Variants in CEP104 observed in about 807,000 individuals in gnomAD.
CEP104 encodes centrosomal protein 104, also known as centrosomal protein of 104 kDa.
Under a neutral mutation model 113.3 loss-of-function variants are expected in CEP104, and 84 were observed. The ratio of observed to expected loss-of-function variants is 0.74; its 90% CI spans 0.62 to 0.89. CEP104 has a LOEUF of 0.89. Among genes scored for constraint, CEP104 ranks in the 40% least tolerant of loss-of-function variants. CEP104 has a pLI of 0.00. For synonymous variants in CEP104, 378 were observed against 421.7 expected (o/e 0.90, Z 1.27); for missense variants, 1,053 against 1,156.6 (o/e 0.91, Z 1.30).
rs145880277 is a variant in CEP104, at chr1:3,849,348, G to T, written c.114-567C>A. 8.7e-4 allele frequency among the ~76,000 whole-genome samples: 127 copies of T among 145,886 alleles called. 1 individual carries two copies. The highest frequency in any genetic ancestry group is 3.2e-3 in the African/African-American group (126 of 39,220). On this transcript the variant is annotated intron_variant, in intron 2 of 21. Coordinates refer to ENST00000378230, the MANE Select transcript of CEP104 (RefSeq NM_014704.4). Reference sequence around the variant, plus strand: ...TGTGATTATGGCTCACTGCATCTTTGATCTCCTGGGCTCAAGTGACCCTCC... The same window carrying T: ...TGTGATTATGGCTCACTGCATCTTTTATCTCCTGGGCTCAAGTGACCCTCC...
At chr1:3,852,032 G>T (rs771995095) in intron 2 of CEP104, among the ~76,000 whole-genome samples, 1 of 152,172 alleles carries the variant, frequency 6.6e-6, no homozygotes, top group Non-Finnish European at 1.5e-5. Context: ...AGACAGTTAC[G>T]GGGCCTCATT....
intron 1 of CEP104, chr1:3,855,953 C>G (rs1262667223): frequency 3.0e-6 from 3 of 985,250 alleles, no homozygotes; most frequent in Non-Finnish European, 2.4e-6. Context: ...TCTCCCCAGG[C>G]AGCGATGACT....
chr1:3,833,406 G>T (rs536554009), intron 12 of CEP104, among the ~76,000 whole-genome samples: 1 of 152,154 alleles, frequency 6.6e-6, no homozygotes, highest in Non-Finnish European at 1.5e-5. Context: ...GAATTCATTA[G>T]CTAGTTTAAA....
chr1:3,812,286 C>T lies in CEP104; in HGVS notation c.*3116G>A, dbSNP rs1430917704. The T allele has an allele frequency of 2.0e-5, 3 of 152,094 alleles. No individual in the cohort carries two copies. The highest frequency in any genetic ancestry group is 4.8e-5 in the African/African-American group (2 of 41,424). 9.4% of individuals were successfully genotyped at this position (152,094 alleles called of 1,614,324 possible). A position where few individuals can be genotyped will look rare whatever the true frequency, so the allele number is the denominator to read the frequency against. On this transcript the variant is annotated 3_prime_UTR_variant, in exon 22 of 22. Coordinates refer to ENST00000378230, the MANE Select transcript of CEP104 (RefSeq NM_014704.4). The stretch of plus-strand genomic sequence containing the variant: ...ATTTGTATCCTAATGCCAATTTATA[C>T]ATACAATTCTTTTAAGTTAGATTTA...
At position 3,819,869 on chromosome 1, in the gene CEP104, A is replaced by C. The variant is rs1237681989; in HGVS notation, c.2571+3305T>G. Among the ~76,000 whole-genome samples, 1 of 152,212 alleles carries C rather than the reference A, an allele frequency of 6.6e-6. No homozygotes were observed. Among genetic ancestry groups the C allele is most frequent in the African/African-American group, 2.4e-5 (1 of 41,458 alleles). On this transcript the variant is annotated intron_variant, in intron 20 of 21. Transcript: ENST00000378230. This position sits in a 1 kb window ranked among gnomAD's most constrained non-coding sequence, Gnocchi z 4.6. ...GGCCTCGAGGAAGTGAGCTGCCAGC[A>C]GAGAGGCCCCCGGTGCTGACGGTGG...
In CEP104 at chr1:3,835,004, G is replaced by A; in HGVS notation, c.1406C>T (p.Thr469Ile). 1 of 1,613,888 alleles carries A rather than the reference G, an allele frequency of 6.2e-7. No individual in the cohort carries two copies. The highest frequency in any genetic ancestry group is 8.5e-7 in the Non-Finnish European group (1 of 1,179,896). ...SKKLMEMPVG[T>I]PKEDLKNTLR... ...TGTGTTCTTTAAATCTTCTTTTGGG[G>A]TTCCAACAGGCATTTCCATTAACTT... The change falls in exon 11 of 22, where the codon ACC becomes ATC. Residue 469 changes from threonine to isoleucine, a missense_variant. Physicochemically the swap from Thr to Ile is moderately conservative, Grantham distance 89. Coordinates refer to ENST00000378230, the MANE Select transcript of CEP104 (RefSeq NM_014704.4).
At position 3,852,357 on chromosome 1, in the gene CEP104, G is replaced by C. The variant is rs774783916; in HGVS notation, c.51C>G (p.Asp17Glu). The C allele has an allele frequency of 1.2e-6, 2 of 1,613,966 alleles. No homozygotes were observed. The highest frequency in any genetic ancestry group is 1.7e-6 in the Non-Finnish European group (2 of 1,180,004). Residue 17 changes from aspartate to glutamate, a missense_variant, in exon 2 of 22, where the codon GAC (aspartate) becomes GAG (glutamate). By Grantham distance (45) the Asp-to-Glu change is conservative. Transcript: ENST00000378230. The part of the protein sequence containing the change: ...FVVVSSSGHE[D>E]GFSARELMIH... ...TCATGAGCTCCCGGGCACTGAAGCC[G>C]TCTTCGTGTCCAGATGAGCTGACGA...
Position 3,834,820 on chromosome 1 carries a change from C to T in CEP104, c.1485+105G>A, listed in dbSNP as rs530229495. 2.3e-4 allele frequency: 237 copies of T among 1,037,398 alleles called. No individual in the cohort carries two copies. In the African/African-American group the frequency reaches 3.3e-3, roughly 14 times the overall value. 64.3% of individuals were successfully genotyped at this position (1,037,398 alleles called of 1,614,324 possible). A position where few individuals can be genotyped will look rare whatever the true frequency, so the allele number is the denominator to read the frequency against. On this transcript the variant is annotated intron_variant, in intron 11 of 21. Transcript: ENST00000378230. ...TCTATTGAGTTACAGTTGGTGACCACGTCAATGACCAACTGGTCCTCTCTC... is the reference window on the plus strand; with the variant it reads ...TCTATTGAGTTACAGTTGGTGACCATGTCAATGACCAACTGGTCCTCTCTC...
At chr1:3,824,351 G>T (rs1251233291) in intron 18 of CEP104, among the ~76,000 whole-genome samples, 1 of 152,174 alleles carries the variant, frequency 6.6e-6, no homozygotes, top group Non-Finnish European at 1.5e-5. Flanking sequence ...CTCCCCAAGT[G>T]CTAGGATTAC....
chr1:3,852,284 C>T lies in CEP104; in HGVS notation c.113+11G>A, dbSNP rs1440772854. ...CCTCCCAGCCCAAGCCCCGCCCCGT[C>T]CAGTCCTCACCTAGGTGACCGCCAC... On this transcript the variant is annotated intron_variant, in intron 2 of 21. Coordinates refer to ENST00000378230, the MANE Select transcript of CEP104 (RefSeq NM_014704.4). 6.2e-7 allele frequency: 1 copy of T among 1,612,104 alleles called. No individual in the cohort carries two copies. Among genetic ancestry groups the T allele is most frequent in the Non-Finnish European group, 8.5e-7 (1 of 1,179,440 alleles).
At chr1:3,846,086 CAAAAAAA>C (rs5772127) in intron 4 of CEP104, among the ~76,000 whole-genome samples, 1 of 95,144 alleles carries the variant, frequency 1.1e-5, no homozygotes, top group African/African-American at 4.6e-5. Context: ...AACTCCGTCT[CAAAAAAA>C]AAAAAAAAAA....
At position 3,833,919 on chromosome 1, in the gene CEP104, G is replaced by T; in HGVS notation, c.1602C>A (p.Leu534=). 1 of 1,614,242 alleles carries T rather than the reference G, an allele frequency of 6.2e-7. No homozygotes were observed. Among genetic ancestry groups the T allele is most frequent in the Non-Finnish European group, 8.5e-7 (1 of 1,180,046 alleles). The change falls in exon 12 of 22, where the codon CTC becomes CTA. Residue 534 remains leucine (L), a synonymous_variant. Coordinates refer to ENST00000378230, the MANE Select transcript of CEP104 (RefSeq NM_014704.4). ...HCVERTIPVL[L]TRTGDSSARL... ...GGGCAGAAGAATCTCCAGTTCTGGT[G>T]AGCAAAACGGGAATGGTCCTCTCCA...
At position 3,836,656 on chromosome 1, in the gene CEP104, C is replaced by G; in HGVS notation, c.1156G>C (p.Ala386Pro). The stretch of plus-strand genomic sequence containing the variant: ...GCCTCCCCATAATGCTTACGAATAG[C>G]TGGAAGAGGCCGCTCATCGTAGGGC... ...SLPYDERPLP[A>P]IRKHYGEAVV... The change falls in exon 10 of 22, where the codon GCT becomes CCT. Residue 386 changes from alanine to proline, a missense_variant. Physicochemically the swap from Ala to Pro is conservative, Grantham distance 27. Coordinates refer to ENST00000378230, the MANE Select transcript of CEP104 (RefSeq NM_014704.4). 6.2e-7 allele frequency: 1 copy of G among 1,613,710 alleles called. No homozygotes were observed. The highest frequency in any genetic ancestry group is 8.5e-7 in the Non-Finnish European group (1 of 1,179,992).
At position 3,815,391 on chromosome 1, in the gene CEP104, C is replaced by A; in HGVS notation, c.*11G>T. ...CATCCCTCACAGAGACCAAGGAGCC[C>A]GAGCGCCGCGTCAGCGCTTGGCGTA... is the stretch of plus-strand genomic sequence containing the variant. On this transcript the variant is annotated 3_prime_UTR_variant, in exon 22 of 22. Transcript: ENST00000378230. 2 of 1,591,160 alleles carry A rather than the reference C, an allele frequency of 1.3e-6. No individual in the cohort carries two copies. Among genetic ancestry groups the A allele is most frequent in the South Asian group, 1.1e-5 (1 of 89,004 alleles).
chr1:3,848,523 C>T (rs1442109807), intron 3 of CEP104, 85 bp downstream of exon 3: 47 of 976,202 alleles, frequency 4.8e-5, no homozygotes, highest in Middle Eastern at 3.0e-4. Context: ...CACAGCGAGA[C>T]TCCATCTCAA....
intron 6 of CEP104, among the ~76,000 whole-genome samples, chr1:3,841,974 C>T (rs1023131324): frequency 2.6e-5 from 4 of 152,236 alleles, no homozygotes; most frequent in African/African-American, 9.6e-5. Flanking sequence ...CTCAGCGCTC[C>T]TTCCCCACAG....
In CEP104 at chr1:3,815,247, C is replaced by CT. The variant is rs1643862822; in HGVS notation, c.*154dup. On this transcript the variant is annotated 3_prime_UTR_variant, in exon 22 of 22. Coordinates refer to ENST00000378230, the MANE Select transcript of CEP104 (RefSeq NM_014704.4). Reference sequence around the variant, plus strand: ...TGCATCCATATCGTTTGCACGAGAGCTGACGGCACAGACGCGTAAGAGGCG... The same window carrying CT: ...TGCATCCATATCGTTTGCACGAGAGCTTGACGGCACAGACGCGTAAGAGGCG... The CT allele has an allele frequency of 1.6e-6, 1 of 618,530 alleles. No individual in the cohort carries two copies. The highest frequency in any genetic ancestry group is 2.7e-5 in the Admixed American group (1 of 36,484). 38.3% of individuals were successfully genotyped at this position (618,530 alleles called of 1,614,324 possible).
At chr1:3,851,433 G>A (rs889200046) in intron 2 of CEP104, among the ~76,000 whole-genome samples, 2 of 151,998 alleles carry the variant, frequency 1.3e-5, no homozygotes, top group Non-Finnish European at 2.9e-5. Context: ...ACGCGTTCGC[G>A]GGTTAGGAAT....
chr1:3,831,441 C>T (rs540191933), intron 12 of CEP104, among the ~76,000 whole-genome samples: 4 of 152,282 alleles, frequency 2.6e-5, no homozygotes, highest in African/African-American at 7.2e-5. Flanking sequence ...GAAATAAAAT[C>T]ATGAAGAATA....
Sources: allele counts gnomAD v4.1 joint callset (sites outside exome capture counted in the v4.1 genomes callset), GRCh38; gene constraint gnomAD v4.1.1; non-coding constraint Gnocchi (gnomAD v3.1); transcripts MANE v1.5; gene names NCBI Gene and HGNC (gene_info 2026-07-23, HGNC 2026-07-21).